The following SCHIP1 variants were observed in gnomAD, a reference collection of about 807,000 sequenced individuals.
SCHIP1 encodes schwannomin interacting protein 1.
A neutral mutation model predicts 29.7 loss-of-function variants in SCHIP1; 8 were observed. The ratio of observed to expected loss-of-function variants is 0.27; its 90% CI spans 0.16 to 0.49. The LOEUF (loss-of-function observed/expected upper bound fraction) is 0.49, where lower values mean the gene tolerates loss of function less well. Ranked by LOEUF, SCHIP1 falls within the 20% of genes least tolerant of loss-of-function variation. SCHIP1 has a pLI of 0.99. For synonymous variants in SCHIP1, 76 were observed against 94.9 expected (o/e 0.80, Z 1.16); for missense variants, 193 against 294.6 (o/e 0.66, Z 2.52).
chr3:159,514,199 C>CGCA, the SCHIP1 span, among the ~76,000 whole-genome samples: 4 of 152,152 alleles, frequency 2.6e-5, no homozygotes. Context: ...TCATGGAAAA[C>CGCA]TATGAATGTG....
chr3:159,587,132 A>G, the SCHIP1 span, among the ~76,000 whole-genome samples: 1 of 152,148 alleles, frequency 6.6e-6, no homozygotes, highest in African/African-American at 2.4e-5. Context: ...GGGTCTAGTG[A>G]TAGACAGTCT....
At chr3:159,825,810 A>T in the SCHIP1 span, among the ~76,000 whole-genome samples, 390 of 152,292 alleles carry the variant, frequency 2.6e-3, 4 homozygotes, top group Non-Finnish European at 4.2e-3. Flanking sequence ...TTAAAGCAGG[A>T]CCTTATTTAG....
chr3:159,694,604 GA>G, the SCHIP1 span, among the ~76,000 whole-genome samples: 1,150 of 134,692 alleles, frequency 8.5e-3, 16 homozygotes, highest in African/African-American at 0.02. Flanking sequence ...AAGAAAGAAA[GA>G]AAGGAATTAT....
At chr3:159,689,212 G>C in the SCHIP1 span, among the ~76,000 whole-genome samples, 1 of 152,154 alleles carries the variant, frequency 6.6e-6, no homozygotes, top group Non-Finnish European at 1.5e-5. Flanking sequence ...TCACGATATT[G>C]ATTTTTCCTA....
At chr3:159,486,695 T>C in the SCHIP1 span, among the ~76,000 whole-genome samples, 1 of 152,216 alleles carries the variant, frequency 6.6e-6, no homozygotes, top group African/African-American at 2.4e-5. Flanking sequence ...GATTTATTTA[T>C]GTCACACAGA....
At chr3:159,563,435 TAATA>T in the SCHIP1 span, among the ~76,000 whole-genome samples, 1 of 152,110 alleles carries the variant, frequency 6.6e-6, no homozygotes, top group South Asian at 2.1e-4. Context: ...TGTACAAATA[TAATA>T]AATACCTAGA....
chr3:159,375,801 G>C, the SCHIP1 span: 1 of 887,112 alleles, frequency 1.1e-6, no homozygotes, highest in East Asian at 1.2e-4. Context: ...TTTTGGAGTT[G>C]GGAAAAGTAA....
At chr3:159,292,607 G>A in the SCHIP1 span, among the ~76,000 whole-genome samples, 3 of 152,118 alleles carry the variant, frequency 2.0e-5, no homozygotes, top group Admixed American at 2.0e-4. Flanking sequence ...AGCATTCAAG[G>A]TAGTACATCC....
the SCHIP1 span, among the ~76,000 whole-genome samples, chr3:159,733,482 G>A: frequency 6.6e-6 from 1 of 152,026 alleles, no homozygotes; most frequent in Non-Finnish European, 1.5e-5. Context: ...GTCCACCCAG[G>A]AATTTAAAAA....
At chr3:159,866,378 T>G in intron 2 of SCHIP1, 97 bp downstream of exon 3, 3 of 1,223,622 alleles carry the variant, frequency 2.5e-6, no homozygotes, top group Non-Finnish European at 3.4e-6. Flanking sequence ...TTCTGTAGTT[T>G]TTTTTTCCCC....
At chr3:159,854,317 T>TG (rs1371088993) in intron 1 of SCHIP1, among the ~76,000 whole-genome samples, 5 of 152,230 alleles carry the variant, frequency 3.3e-5, no homozygotes, top group African/African-American at 1.2e-4. Context: ...AAGAAGCTTC[T>TG]GTCGTGATAG....
At chr3:159,579,911 A>C in the SCHIP1 span, among the ~76,000 whole-genome samples, 1 of 152,146 alleles carries the variant, frequency 6.6e-6, no homozygotes, top group Non-Finnish European at 1.5e-5. Flanking sequence ...AGGGCAAGGG[A>C]AAAAAATTTA....
intron 1 of SCHIP1, among the ~76,000 whole-genome samples, chr3:159,865,728 C>T (rs1012351629): frequency 1.3e-5 from 2 of 152,076 alleles, no homozygotes; most frequent in African/African-American, 2.4e-5. Context: ...CTCTTCTTGC[C>T]ATAGAGAAAA....
At chr3:159,716,519 A>G in the SCHIP1 span, among the ~76,000 whole-genome samples, 1 of 152,236 alleles carries the variant, frequency 6.6e-6, no homozygotes, top group African/African-American at 2.4e-5. Flanking sequence ...TCATGTGCAG[A>G]GACACACATA....
At chr3:159,497,635 C>T in the SCHIP1 span, among the ~76,000 whole-genome samples, 1 of 150,684 alleles carries the variant, frequency 6.6e-6, no homozygotes, top group Non-Finnish European at 1.5e-5. Context: ...AGAAGAACAA[C>T]AAGCAGAAGC....
the SCHIP1 span, among the ~76,000 whole-genome samples, chr3:159,392,292 G>A: frequency 6.6e-6 from 1 of 151,996 alleles, no homozygotes. Context: ...TTAAGAAAAT[G>A]TTCTTGCCAG....
At chr3:159,752,764 G>C in the SCHIP1 span, among the ~76,000 whole-genome samples, 1 of 152,210 alleles carries the variant, frequency 6.6e-6, no homozygotes, top group African/African-American at 2.4e-5. Flanking sequence ...CTCTCAGCAG[G>C]CCTCACCTCC....
chr3:159,812,912 A>G, the SCHIP1 span, among the ~76,000 whole-genome samples: 2 of 152,348 alleles, frequency 1.3e-5, no homozygotes, highest in East Asian at 3.9e-4. Flanking sequence ...TGAGGGCTTT[A>G]TGCTGTATCA....
chr3:159,532,074 T>C, the SCHIP1 span, among the ~76,000 whole-genome samples: 53 of 152,292 alleles, frequency 3.5e-4, no homozygotes, highest in African/African-American at 1.2e-3. Flanking sequence ...TTATAATTGA[T>C]AGCAAAGCTA....
Sources: gnomAD v4.1 joint callset for allele counts (sites outside exome capture counted in the v4.1 genomes callset) on GRCh38, gnomAD v4.1.1 for gene constraint, MANE v1.5 for transcripts, NCBI Gene and HGNC (gene_info 2026-07-23, HGNC 2026-07-21) for gene names.